The following SBF2 variants were observed in gnomAD, a reference collection of about 807,000 sequenced individuals.
The protein encoded by SBF2 is SET binding factor 2.
SBF2 carries 112 observed loss-of-function variants against 225.2 expected under a neutral mutation model. The observed-to-expected ratio is 0.50, with a 90% confidence interval of 0.43 to 0.58. SBF2 has a LOEUF of 0.58. SBF2 is among the 20% of genes least tolerant of loss of function. SBF2 has a pLI of 0.00. For synonymous variants in SBF2, 763 were observed against 773.3 expected (o/e 0.99, Z 0.22); for missense variants, 1,996 against 2,206.2 (o/e 0.90, Z 1.91).
At chr11:9,811,417 T>G (rs1297644337) in intron 30 of SBF2, 2 of 152,258 alleles carry the variant, frequency 1.3e-5, no homozygotes, top group Non-Finnish European at 2.9e-5. Context: ...TATTTTCCAC[T>G]GTCTTTAGTC....
intron 2 of SBF2, among the ~76,000 whole-genome samples, chr11:10,155,969 G>A (rs1490511138): frequency 2.6e-5 from 4 of 152,166 alleles, no homozygotes; most frequent in Non-Finnish European, 5.9e-5. Flanking sequence ...CAGAGCCCAC[G>A]GGGGTGGGAC....
chr11:10,005,602 ATTCT>A (rs1040692339), intron 6 of SBF2, among the ~76,000 whole-genome samples: 1 of 152,088 alleles, frequency 6.6e-6, no homozygotes, highest in African/African-American at 2.4e-5. Context: ...CCTTGGTTGA[ATTCT>A]TTCTTCTGAA....
At chr11:10,215,248 T>C (rs908353223) in intron 1 of SBF2, among the ~76,000 whole-genome samples, 2 of 152,006 alleles carry the variant, frequency 1.3e-5, no homozygotes, top group African/African-American at 2.4e-5. Context: ...AAGCAGCCTA[T>C]AGGGAAAAAA....
At chr11:10,004,289 A>G (rs187408272) in intron 6 of SBF2, among the ~76,000 whole-genome samples, 1 of 152,262 alleles carries the variant, frequency 6.6e-6, no homozygotes, top group East Asian at 1.9e-4. Flanking sequence ...AAATTTTGCA[A>G]AAAATATTCT....
At chr11:9,911,383 CAAA>C (rs57796243) in intron 16 of SBF2, among the ~76,000 whole-genome samples, 7 of 108,186 alleles carry the variant, frequency 6.5e-5, no homozygotes, top group Admixed American at 4.8e-4. Flanking sequence ...GACTCTGTCT[CAAA>C]AAAAAAAAAA....
At chr11:10,035,665 G>A (rs1185447955) in intron 3 of SBF2, among the ~76,000 whole-genome samples, 1 of 152,168 alleles carries the variant, frequency 6.6e-6, no homozygotes, top group East Asian at 1.9e-4. Flanking sequence ...TGAAAAAAAT[G>A]CTCATCATCA....
intron 17 of SBF2, among the ~76,000 whole-genome samples, chr11:9,894,895 T>C (rs973074649): frequency 6.6e-6 from 1 of 151,818 alleles, no homozygotes; most frequent in Admixed American, 6.6e-5. Flanking sequence ...GGCAGGAGAA[T>C]CACTTGAACA....
chr11:9,842,489 G>A, intron 25 of SBF2, 136 bp downstream of exon 25: 1 of 819,126 alleles, frequency 1.2e-6, no homozygotes, highest in Admixed American at 2.3e-5. Context: ...CCAGTTCTAA[G>A]AAGCTGGTAA....
chr11:10,096,668 C>A (rs1289935785), intron 2 of SBF2, among the ~76,000 whole-genome samples: 1 of 152,096 alleles, frequency 6.6e-6, no homozygotes, highest in Non-Finnish European at 1.5e-5. Context: ...CTCATACAAG[C>A]GGTGTCTTTT....
intron 6 of SBF2, among the ~76,000 whole-genome samples, chr11:10,009,359 T>C (rs2134545808): frequency 1.3e-5 from 2 of 152,264 alleles, no homozygotes; most frequent in South Asian, 4.1e-4. Context: ...GCTGCACCCA[T>C]CAACCTGTCA....
At chr11:10,123,599 TG>T (rs1953587032) in intron 2 of SBF2, among the ~76,000 whole-genome samples, 1 of 151,930 alleles carries the variant, frequency 6.6e-6, no homozygotes, top group Admixed American at 6.5e-5. Flanking sequence ...CAGTGCCTAA[TG>T]GTTATAGATC....
intron 2 of SBF2, among the ~76,000 whole-genome samples, chr11:10,174,125 C>A (rs1012628979): frequency 1.3e-5 from 2 of 152,030 alleles, no homozygotes; most frequent in Non-Finnish European, 2.9e-5. Context: ...CAAAGCAACA[C>A]AGTTCCTCAC....
intron 2 of SBF2, among the ~76,000 whole-genome samples, chr11:10,100,840 A>T (rs1565229387): frequency 6.6e-6 from 1 of 152,046 alleles, no homozygotes. Flanking sequence ...CTGTAGCTCC[A>T]CTGCAGGGTG....
At chr11:10,166,001 T>C (rs529956019) in intron 2 of SBF2, among the ~76,000 whole-genome samples, 1 of 152,242 alleles carries the variant, frequency 6.6e-6, no homozygotes, top group South Asian at 2.1e-4. Flanking sequence ...AAGGCGAGTA[T>C]ACATACAAGA....
intron 6 of SBF2, among the ~76,000 whole-genome samples, chr11:10,011,459 T>C (rs1262832330): frequency 6.6e-6 from 1 of 152,216 alleles, no homozygotes; most frequent in Non-Finnish European, 1.5e-5. Context: ...GCTCAAGTGA[T>C]CCACCCACCT....
At chr11:10,020,936 T>C (rs892366974) in intron 6 of SBF2, among the ~76,000 whole-genome samples, 7 of 151,970 alleles carry the variant, frequency 4.6e-5, no homozygotes, top group Admixed American at 1.3e-4. Flanking sequence ...CTATATTTAA[T>C]ATCAGAGATC....
chr11:9,978,121 T>A (rs947228299), intron 13 of SBF2, among the ~76,000 whole-genome samples: 1 of 152,218 alleles, frequency 6.6e-6, no homozygotes, highest in Non-Finnish European at 1.5e-5. Context: ...AACTGACTAG[T>A]TAAAAATAGA....
chr11:9,858,852 G>A (rs1857507907), intron 17 of SBF2, among the ~76,000 whole-genome samples: 1 of 152,118 alleles, frequency 6.6e-6, no homozygotes, highest in Admixed American at 6.5e-5. Flanking sequence ...CTTACACACA[G>A]AATGAGGATA....
chr11:10,147,278 C>T (rs1440756738), intron 2 of SBF2, among the ~76,000 whole-genome samples: 2 of 152,024 alleles, frequency 1.3e-5, no homozygotes, highest in African/African-American at 2.4e-5. Context: ...CATATGTTTA[C>T]TGCAGTACTA....
Sources: gnomAD v4.1 joint callset for allele counts (sites outside exome capture counted in the v4.1 genomes callset) on GRCh38, gnomAD v4.1.1 for gene constraint, MANE v1.5 for transcripts, NCBI Gene and HGNC (gene_info 2026-07-23, HGNC 2026-07-21) for gene names.